The following CSMD1 variants were observed in gnomAD, a reference collection of about 807,000 sequenced individuals.
The protein encoded by CSMD1 is CUB and sushi domain-containing protein 1.
Under a neutral mutation model 417.5 loss-of-function variants are expected in CSMD1, and 213 were observed. That is an observed-to-expected ratio of 0.51 (90% confidence interval 0.46 to 0.57). The LOEUF is 0.57. Among genes scored for constraint, CSMD1 ranks in the 20% least tolerant of loss-of-function variants. The pLI is 0.00. For synonymous variants in CSMD1, 2,862 were observed against 1,736.8 expected (o/e 1.65, Z -16.11); for missense variants, 6,923 against 4,529.7 (o/e 1.53, Z -15.17).
chr8:4,094,394 G>A (rs1800889828), intron 3 of CSMD1, among the ~76,000 whole-genome samples: 1 of 152,010 alleles, frequency 6.6e-6, no homozygotes, highest in Non-Finnish European at 1.5e-5. Flanking sequence ...TTAGTTTTGA[G>A]AACTATGTTG....
At chr8:3,588,900 AT>A (rs1254602877) in intron 8 of CSMD1, among the ~76,000 whole-genome samples, 1 of 152,056 alleles carries the variant, frequency 6.6e-6, no homozygotes, top group Non-Finnish European at 1.5e-5. Flanking sequence ...CAAATCACCC[AT>A]GTAACATATG....
At chr8:4,343,683 C>A (rs1293609222) in intron 3 of CSMD1, among the ~76,000 whole-genome samples, 4 of 152,078 alleles carry the variant, frequency 2.6e-5, no homozygotes, top group African/African-American at 9.7e-5. Context: ...GTGATCTGAC[C>A]TTTGCAGCTT....
At chr8:4,195,736 C>T (rs758723368) in intron 3 of CSMD1, among the ~76,000 whole-genome samples, 1 of 152,148 alleles carries the variant, frequency 6.6e-6, no homozygotes, top group African/African-American at 2.4e-5. Flanking sequence ...AGCAAAACGT[C>T]GGGGCTCTCC....
chr8:3,724,510 T>A (rs950274229), intron 6 of CSMD1, among the ~76,000 whole-genome samples: 23 of 152,112 alleles, frequency 1.5e-4, no homozygotes, highest in African/African-American at 5.3e-4. Flanking sequence ...TGAAGCTGTT[T>A]GGGATTTTCA....
chr8:4,904,076 T>C lies in CSMD1; in HGVS notation c.85+90256A>G, dbSNP rs559815153. Among the ~76,000 whole-genome samples, 8 of 152,252 alleles carry C rather than the reference T, an allele frequency of 5.3e-5. No homozygotes were observed. The East Asian group carries it at 1.5e-3, about 29-fold the overall frequency. On this transcript the variant is annotated intron_variant, in intron 1 of 69. Coordinates refer to ENST00000635120, the MANE Select transcript of CSMD1 (RefSeq NM_033225.6). ...GTAAGATTTGAGAAAGGACTTACCA[T>C]GGAAAAGAACCAGGATAGGATAGGC...
chr8:3,335,696 T>A (rs1807213730), intron 23 of CSMD1, among the ~76,000 whole-genome samples: 1 of 151,980 alleles, frequency 6.6e-6, no homozygotes, highest in Admixed American at 6.6e-5. Flanking sequence ...TAATAATAAA[T>A]AAAGGTTAAT....
At chr8:4,384,571 A>G (rs2128920505) in intron 3 of CSMD1, among the ~76,000 whole-genome samples, 1 of 152,356 alleles carries the variant, frequency 6.6e-6, no homozygotes, top group Non-Finnish European at 1.5e-5. Context: ...GCTGTAAGCA[A>G]TGCTACTTAG....
intron 3 of CSMD1, among the ~76,000 whole-genome samples, chr8:4,061,258 C>A (rs1371373842): frequency 1.3e-5 from 2 of 152,140 alleles, no homozygotes; most frequent in African/African-American, 4.8e-5. Flanking sequence ...AAGTTAGACA[C>A]AGGCATGGAA....
intron 3 of CSMD1, among the ~76,000 whole-genome samples, chr8:4,182,886 A>C (rs533303888): frequency 2.6e-5 from 4 of 152,332 alleles, no homozygotes; most frequent in Non-Finnish European, 4.4e-5. Context: ...CTAGAACTGT[A>C]TGTTTGAATG....
chr8:4,721,506 A>G (rs767666057), intron 1 of CSMD1, among the ~76,000 whole-genome samples: 11 of 152,226 alleles, frequency 7.2e-5, no homozygotes, highest in Non-Finnish European at 1.6e-4. Flanking sequence ...AATCAAAACT[A>G]TGAAATATTA....
intron 18 of CSMD1, among the ~76,000 whole-genome samples, chr8:3,377,804 C>T (rs1810403214): frequency 6.6e-6 from 1 of 152,182 alleles, no homozygotes; most frequent in African/African-American, 2.4e-5. Flanking sequence ...TTACTACCCC[C>T]TGGGAGCTTA....
chr8:3,941,548 C>A (rs977006930), intron 5 of CSMD1, among the ~76,000 whole-genome samples: 1 of 152,144 alleles, frequency 6.6e-6, no homozygotes, highest in African/African-American at 2.4e-5. Context: ...TCTCTCCGAG[C>A]AGTGGGTTTC....
At chr8:4,339,884 G>C (rs1001599222) in intron 3 of CSMD1, among the ~76,000 whole-genome samples, 3 of 151,968 alleles carry the variant, frequency 2.0e-5, no homozygotes, top group African/African-American at 7.2e-5. Context: ...AATTATTCTG[G>C]CATGGTGGCA....
intron 50 of CSMD1, among the ~76,000 whole-genome samples, chr8:3,049,579 T>C (rs1310248016): frequency 6.6e-6 from 1 of 151,938 alleles, no homozygotes; most frequent in South Asian, 2.1e-4. Context: ...AGGGGTTGGA[T>C]GCAGGAAGGC....
chr8:3,298,228 C>G (rs1563242074), intron 25 of CSMD1, among the ~76,000 whole-genome samples: 1 of 152,130 alleles, frequency 6.6e-6, no homozygotes, highest in Admixed American at 6.5e-5. Context: ...AATTCCTGGC[C>G]TCAGTGTATA....
At chr8:4,213,016 A>G (rs1205751176) in intron 3 of CSMD1, among the ~76,000 whole-genome samples, 1 of 151,960 alleles carries the variant, frequency 6.6e-6, no homozygotes, top group Non-Finnish European at 1.5e-5. Flanking sequence ...TTGTTTTCTT[A>G]TTTTTAAAAC....
rs3802299 is a variant in CSMD1, at chr8:3,284,564, T to C, written c.3951-218A>G. On this transcript the variant is annotated intron_variant, in intron 25 of 69. Transcript: ENST00000635120. Reference sequence around the variant, plus strand: ...AAGCACACAGGACCTCAGTCTGTCATGGACGCAGAGAGATAGGTGAGCTAG... The same window carrying C: ...AAGCACACAGGACCTCAGTCTGTCACGGACGCAGAGAGATAGGTGAGCTAG... The C allele has an allele frequency of 1.2e-3, 639 of 553,486 alleles. 12 individuals carry two copies. In the East Asian group the frequency reaches 0.019, roughly 17 times the overall value. The allele number at this position is 553,486 out of a possible 1,614,324, so 34.3% of individuals were successfully genotyped here. A position where few individuals can be genotyped will look rare whatever the true frequency, so the allele number is the denominator to read the frequency against.
chr8:3,931,784 C>T (rs191594767), intron 5 of CSMD1, among the ~76,000 whole-genome samples: 2 of 148,462 alleles, frequency 1.3e-5, no homozygotes, highest in East Asian at 2.0e-4. Flanking sequence ...TAAGACCCCA[C>T]TAAGGAATAT....
At chr8:4,464,947 G>A (rs915677235) in intron 2 of CSMD1, among the ~76,000 whole-genome samples, 3 of 152,182 alleles carry the variant, frequency 2.0e-5, no homozygotes, top group South Asian at 4.1e-4. Context: ...CAAACCAGAT[G>A]TGCTTCCTCC....
Sources: gnomAD v4.1 joint callset for allele counts (sites outside exome capture counted in the v4.1 genomes callset) on GRCh38, gnomAD v4.1.1 for gene constraint, MANE v1.5 for transcripts, NCBI Gene and HGNC (gene_info 2026-07-23, HGNC 2026-07-21) for gene names.